The following DOP1B variants were observed in gnomAD, a reference collection of about 807,000 sequenced individuals.
The protein encoded by DOP1B is protein DOP1B.
Under a neutral mutation model 233.5 loss-of-function variants are expected in DOP1B, and 174 were observed. The ratio of observed to expected loss-of-function variants is 0.75; its 90% confidence interval spans 0.66 to 0.85. The LOEUF is 0.85. Ranked by LOEUF, DOP1B falls within the 40% of genes least tolerant of loss-of-function variation. The probability of loss-of-function intolerance (pLI) is 0.00; values close to 1 mark genes in which losing one functional copy is unlikely to be tolerated. For missense variants in DOP1B, 2,652 were observed against 2,846.6 expected (o/e 0.93, Z 1.56); for synonymous variants, 1,190 against 1,185.6 (o/e 1.00, Z -0.08).
At chr21:36,161,573 C>T (rs1321650985) in intron 1 of DOP1B, among the ~76,000 whole-genome samples, 1 of 152,162 alleles carries the variant, frequency 6.6e-6, no homozygotes, top group Non-Finnish European at 1.5e-5. Flanking sequence ...AGGCTGGTCA[C>T]AACCTCCGGG....
intron 15 of DOP1B, among the ~76,000 whole-genome samples, chr21:36,235,874 C>A (rs1310371276): frequency 8.3e-6 from 1 of 120,116 alleles, no homozygotes; most frequent in Non-Finnish European, 1.8e-5. Context: ...GGGGGGGGGG[C>A]GGTCTACGTA....
chr21:36,281,641 C>G (rs1569069826), intron 32 of DOP1B, 30 bp downstream of exon 32: 1 of 1,509,694 alleles, frequency 6.6e-7, no homozygotes, highest in East Asian at 2.3e-5. Flanking sequence ...CTGTTTTTTG[C>G]TGCTATAACA....
At chr21:36,214,036 T>C (rs1160498113) in intron 7 of DOP1B, 45 bp from the exon 8 acceptor site, 1 of 1,469,682 alleles carries the variant, frequency 6.8e-7, no homozygotes, top group Middle Eastern at 1.8e-4. Flanking sequence ...TGATGTCCTT[T>C]AAAAGCACAG....
intron 2 of DOP1B, among the ~76,000 whole-genome samples, chr21:36,172,418 A>T (rs934354844): frequency 5.9e-5 from 9 of 152,144 alleles, no homozygotes; most frequent in African/African-American, 2.2e-4. Context: ...GGTTCTGTGA[A>T]ACTTGCAACT....
intron 12 of DOP1B, among the ~76,000 whole-genome samples, chr21:36,226,232 A>G (rs1289531398): frequency 1.3e-5 from 2 of 152,154 alleles, no homozygotes; most frequent in African/African-American, 4.8e-5. Flanking sequence ...TGGACAGCAT[A>G]ACATGATCCA....
intron 2 of DOP1B, among the ~76,000 whole-genome samples, chr21:36,186,531 A>G (rs958128014): frequency 1.3e-5 from 2 of 152,204 alleles, no homozygotes; most frequent in African/African-American, 4.8e-5. Flanking sequence ...AAGTGGAAAT[A>G]GAATGAATAC....
chr21:36,257,907 A>T (rs980375053), intron 23 of DOP1B, among the ~76,000 whole-genome samples: 1 of 151,592 alleles, frequency 6.6e-6, no homozygotes, highest in African/African-American at 2.4e-5. Context: ...AGATGTAGGT[A>T]GGTAGATAGA....
chr21:36,256,125 G>A (rs1050149540), intron 23 of DOP1B, among the ~76,000 whole-genome samples: 10 of 152,110 alleles, frequency 6.6e-5, no homozygotes, highest in East Asian at 3.9e-4. Context: ...GCCTTCTGTC[G>A]AACAGTTTAA....
At chr21:36,266,186 A>T (rs1016221679) in intron 26 of DOP1B, among the ~76,000 whole-genome samples, 73 of 151,866 alleles carry the variant, frequency 4.8e-4, no homozygotes, top group South Asian at 4.2e-4. Flanking sequence ...TTATTTATTT[A>T]TTTTTTTGAG....
chr21:36,225,654 A>G lies in DOP1B; in HGVS notation c.1460A>G (p.Asp487Gly), dbSNP rs769492617. 1.2e-6 allele frequency: 2 copies of G among 1,614,070 alleles called. No individual in the cohort carries two copies. Among genetic ancestry groups the G allele is most frequent in the Admixed American group, 1.7e-5 (1 of 60,006 alleles). The change falls in exon 12 of 37, where the codon GAT (aspartate) becomes GGT (glycine). Residue 487 changes from aspartate (D) to glycine (G), a missense_variant. Asp to Gly is a moderately conservative substitution (Grantham distance 94). This residue lies in a region of DOP1B where 2,617 missense variants were observed against 2,794.3 expected (regional missense o/e 0.94). Transcript: ENST00000691173. ...TGCGCCCTCCTGGTCTTCCTGCTGGATGTCATTCCTTTGGTGAGTGCTGGG... is the reference window on the plus strand; with the variant it reads ...TGCGCCCTCCTGGTCTTCCTGCTGGGTGTCATTCCTTTGGTGAGTGCTGGG... ...ELCALLVFLL[D>G]VIPLELYSEV...
Position 36,239,091 on chromosome 21 carries a change from G to A in DOP1B, c.2876+390G>A, listed in dbSNP as rs558717404. The stretch of plus-strand genomic sequence containing the variant: ...CCACTCCAGCCTGGGTGACAAGAGC[G>A]AAACTCCATCTCAAACAAAGAAAAG... On this transcript the variant is annotated intron_variant, in intron 17 of 36. Coordinates refer to ENST00000691173, the MANE Select transcript of DOP1B (RefSeq NM_001320714.2). 2.1e-3 allele frequency among the ~76,000 whole-genome samples: 320 copies of A among 152,226 alleles called. 2 individuals are homozygous for A. Among genetic ancestry groups the A allele is most frequent in the Non-Finnish European group, 3.4e-3 (229 of 68,016 alleles).
In DOP1B at chr21:36,231,128, C is replaced by T. The variant is rs141956049; in HGVS notation, c.2344C>T (p.Leu782=). The change falls in exon 14 of 37, where the codon CTG becomes TTG. Residue 782 remains leucine (L), a synonymous_variant. Transcript: ENST00000691173. Reference sequence around the variant, plus strand: ...GCAGCTCTGTGCAACGCTCTTCCAGCTGCCAGGTGAGAGGCAGCCCTGCCG... The same window carrying T: ...GCAGCTCTGTGCAACGCTCTTCCAGTTGCCAGGTGAGAGGCAGCCCTGCCG... ...TEQLCATLFQ[L]PGAGDSSFPS... 2.5e-6 allele frequency: 4 copies of T among 1,577,024 alleles called. No individual in the cohort carries two copies. The highest frequency in any genetic ancestry group is 1.7e-4 in the Middle Eastern group (1 of 5,870).
chr21:36,263,899 A>C (rs566941223), intron 26 of DOP1B, 85 bp downstream of exon 26: 1 of 1,295,182 alleles, frequency 7.7e-7, no homozygotes, highest in Admixed American at 1.8e-5. Flanking sequence ...GCAGGTAGAC[A>C]AGAGACATTG....
intron 10 of DOP1B, among the ~76,000 whole-genome samples, chr21:36,221,927 G>A (rs1375769794): frequency 3.3e-5 from 5 of 152,006 alleles, no homozygotes; most frequent in Admixed American, 1.3e-4. Context: ...CCTGGGGTGC[G>A]GTGGCGCCAT....
intron 23 of DOP1B, among the ~76,000 whole-genome samples, chr21:36,257,650 AG>A (rs2067118038): frequency 2.1e-5 from 3 of 145,080 alleles, no homozygotes; most frequent in African/African-American, 7.8e-5. Flanking sequence ...AGAAGTAGTT[AG>A]GTAAATAGAT....
At chr21:36,237,570 T>G (rs2066842749) in intron 16 of DOP1B, among the ~76,000 whole-genome samples, 156 bp downstream of exon 16, 1 of 152,196 alleles carries the variant, frequency 6.6e-6, no homozygotes. Flanking sequence ...ATTTCAGTAC[T>G]GGAAGGCCAC....
chr21:36,260,147 C>T (rs2067151387), intron 23 of DOP1B, among the ~76,000 whole-genome samples: 1 of 81,088 alleles, frequency 1.2e-5, no homozygotes, highest in Non-Finnish European at 2.1e-5. Context: ...CAGAGCAAGA[C>T]TCTTGTAAAA....
intron 26 of DOP1B, among the ~76,000 whole-genome samples, chr21:36,268,262 T>C (rs551197865): frequency 1.2e-3 from 176 of 152,246 alleles, no homozygotes; most frequent in Admixed American, 3.1e-3. Context: ...GTATTAATAT[T>C]AATATTCCTT....
At chr21:36,258,504 T>C (rs925963874) in intron 23 of DOP1B, among the ~76,000 whole-genome samples, 5 of 152,010 alleles carry the variant, frequency 3.3e-5, no homozygotes, top group African/African-American at 1.2e-4. Context: ...GAACACCCAA[T>C]CATCACACTA....
Sources: allele counts gnomAD v4.1 joint callset (sites outside exome capture counted in the v4.1 genomes callset), GRCh38; gene constraint gnomAD v4.1.1; regional missense constraint gnomAD v4.1.1; transcripts MANE v1.5; gene names NCBI Gene and HGNC (gene_info 2026-07-23, HGNC 2026-07-21).